The following STK17A variants were observed in gnomAD, a reference collection of about 807,000 sequenced individuals.
STK17A encodes serine/threonine-protein kinase 17A.
STK17A carries 26 observed loss-of-function variants against 43.7 expected under a neutral mutation model. That is an observed-to-expected ratio of 0.60 (90% CI 0.44 to 0.83). The LOEUF (loss-of-function observed/expected upper bound fraction) is 0.83. Ranked by LOEUF, STK17A falls within the 40% of genes least tolerant of loss-of-function variation. The pLI, the probability that STK17A is intolerant of heterozygous loss-of-function variation, is 0.00. For synonymous variants in STK17A, 191 were observed against 182.5 expected (o/e 1.05, Z -0.38); for missense variants, 476 against 511.6 (o/e 0.93, Z 0.67).
At chr7:43,586,988 GAC>G (rs1454537139) in intron 1 of STK17A, among the ~76,000 whole-genome samples, 1 of 151,118 alleles carries the variant, frequency 6.6e-6, no homozygotes, top group African/African-American at 2.4e-5. Flanking sequence ...AGAAAACAAA[GAC>G]AGATTTAAAA....
intron 3 of STK17A, among the ~76,000 whole-genome samples, chr7:43,610,180 A>G (rs558173115): frequency 6.6e-6 from 1 of 151,724 alleles, no homozygotes; most frequent in African/African-American, 2.4e-5. Context: ...CCCTGTCTGT[A>G]GTAAAAATAC....
chr7:43,592,008 C>T (rs979351363), intron 1 of STK17A, among the ~76,000 whole-genome samples: 26 of 151,454 alleles, frequency 1.7e-4, no homozygotes, highest in Admixed American at 1.3e-3. Flanking sequence ...GTTTGAGGGC[C>T]GTTCTACTGA....
intron 1 of STK17A, 135 bp from the exon 2 acceptor site, chr7:43,595,766 G>C: frequency 2.9e-6 from 2 of 700,176 alleles, no homozygotes. Flanking sequence ...AAATTTCTAA[G>C]TGATGTTTCT....
intron 2 of STK17A, among the ~76,000 whole-genome samples, chr7:43,604,151 T>G (rs1340039795): frequency 1.3e-5 from 2 of 152,196 alleles, no homozygotes; most frequent in Non-Finnish European, 2.9e-5. Flanking sequence ...TTATATATAT[T>G]ACTTATATGC....
In STK17A at chr7:43,624,511, T is replaced by C. The variant is rs779004083; in HGVS notation, c.921-7T>C. 6.2e-7 allele frequency: 1 copy of C among 1,606,322 alleles called. No homozygotes were observed. The highest frequency in any genetic ancestry group is 8.5e-7 in the Non-Finnish European group (1 of 1,176,444). ...ATGTCTTAACTGTAAAACATGTATC[T>C]TTACAGAGATCGAGCCACTGCTGAA... On this transcript the variant is annotated splice_region_variant and splice_polypyrimidine_tract_variant and intron_variant, in intron 6 of 6. Transcript: ENST00000319357.
chr7:43,625,108 T>C lies in STK17A; in HGVS notation c.*266T>C. On this transcript the variant is annotated 3_prime_UTR_variant, in exon 7 of 7. Transcript: ENST00000319357. The stretch of plus-strand genomic sequence containing the variant: ...ACCTTTGAATTCTACATCCTGTTTC[T>C]CCAGAATGAGAATTTGTGTACAAAG... 1 of 304,702 alleles carries C rather than the reference T, an allele frequency of 3.3e-6. No homozygotes were observed. Among genetic ancestry groups the C allele is most frequent in the South Asian group, 7.5e-5 (1 of 13,348 alleles). The allele number at this position is 304,702 out of a possible 1,614,324, so 18.9% of individuals were successfully genotyped here.
At chr7:43,612,084 TTCTC>T (rs1482511628) in intron 3 of STK17A, among the ~76,000 whole-genome samples, 3 of 152,238 alleles carry the variant, frequency 2.0e-5, no homozygotes, top group African/African-American at 7.2e-5. Flanking sequence ...TCATATTCCT[TTCTC>T]TCTAATACAC....
At chr7:43,583,790 A>G (rs2082420122) in intron 1 of STK17A, among the ~76,000 whole-genome samples, 1 of 152,218 alleles carries the variant, frequency 6.6e-6, no homozygotes, top group Non-Finnish European at 1.5e-5. Flanking sequence ...CACCCCGAGC[A>G]GCGGGTCTGA....
intron 1 of STK17A, among the ~76,000 whole-genome samples, chr7:43,588,446 A>G (rs1437459545): frequency 6.6e-6 from 1 of 151,532 alleles, no homozygotes; most frequent in East Asian, 1.9e-4. Context: ...ACGCATGCTA[A>G]TGTCTTATTT....
intron 1 of STK17A, among the ~76,000 whole-genome samples, chr7:43,593,583 C>T (rs1215094190): frequency 6.6e-6 from 1 of 152,038 alleles, no homozygotes; most frequent in Non-Finnish European, 1.5e-5. Context: ...ATTCCAACTG[C>T]TGTAAAGCAG....
intron 1 of STK17A, among the ~76,000 whole-genome samples, chr7:43,595,331 G>T (rs1234120577): frequency 7.0e-6 from 1 of 143,326 alleles, no homozygotes; most frequent in Non-Finnish European, 1.5e-5. Flanking sequence ...AGTCTGGAGT[G>T]CAGTGGCATG....
chr7:43,604,703 A>T (rs576015970), intron 2 of STK17A, among the ~76,000 whole-genome samples: 1 of 152,104 alleles, frequency 6.6e-6, no homozygotes, highest in South Asian at 2.1e-4. Context: ...AGCTACTTAA[A>T]TTTTTTTGTT....
intron 1 of STK17A, among the ~76,000 whole-genome samples, chr7:43,594,887 A>AAG (rs1025569662): frequency 2.6e-4 from 39 of 150,004 alleles, no homozygotes; most frequent in Admixed American, 6.0e-4. Flanking sequence ...AAAAAAAAAA[A>AAG]AAAGAAAGAA....
rs372761284 is a variant in STK17A, at chr7:43,596,148, G to A, written c.419+35G>A. ...GTCTTTCTTAGATTAAGTTTGTTTG[G>A]TAGTCTACACTTCCTTTACGGAATG... On this transcript the variant is annotated intron_variant, in intron 2 of 6. Coordinates refer to ENST00000319357, the MANE Select transcript of STK17A (RefSeq NM_004760.3). 5 of 1,574,274 alleles carry A rather than the reference G, an allele frequency of 3.2e-6. No individual in the cohort carries two copies. The African/African-American group carries it at 5.4e-5, about 17-fold the overall frequency.
chr7:43,595,133 C>T (rs570973588), intron 1 of STK17A, among the ~76,000 whole-genome samples: 16 of 152,122 alleles, frequency 1.1e-4, no homozygotes, highest in African/African-American at 1.4e-4. Context: ...TTCTAGCTGA[C>T]GCTCTAGTTA....
chr7:43,584,288 C>G (rs1282851263), intron 1 of STK17A, among the ~76,000 whole-genome samples: 1 of 152,168 alleles, frequency 6.6e-6, no homozygotes, highest in Non-Finnish European at 1.5e-5. Flanking sequence ...GTTAAATACT[C>G]TGGCTTTGGG....
intron 2 of STK17A, among the ~76,000 whole-genome samples, chr7:43,598,352 C>A (rs760181178): frequency 6.6e-6 from 1 of 151,826 alleles, no homozygotes; most frequent in Non-Finnish European, 1.5e-5. Flanking sequence ...CGCCTATAGT[C>A]CCAGCTACTC....
At chr7:43,621,367 GGGTACCATTGTAA>G (rs1468630422) in intron 4 of STK17A, among the ~76,000 whole-genome samples, 1 of 152,204 alleles carries the variant, frequency 6.6e-6, no homozygotes, top group African/African-American at 2.4e-5. Context: ...CAAATTTAAT[GGGTACCATTGTAA>G]GCTCAAATAC....
intron 3 of STK17A, 43 bp from the exon 4 acceptor site, chr7:43,619,554 A>C (rs201533450): frequency 1.2e-4 from 196 of 1,600,000 alleles, no homozygotes; most frequent in Admixed American, 1.7e-4. Context: ...TGTGTACTTA[A>C]TCATAGTTAT....
Sources: allele counts gnomAD v4.1 joint callset (sites outside exome capture counted in the v4.1 genomes callset), GRCh38; gene constraint gnomAD v4.1.1; transcripts MANE v1.5; gene names NCBI Gene and HGNC (gene_info 2026-07-23, HGNC 2026-07-21).